SLC24A3: variants seen among roughly 807,000 people sequenced by gnomAD.
SLC24A3 encodes solute carrier family 24 member 3, also known as sodium/potassium/calcium exchanger 3.
SLC24A3 carries 28 observed loss-of-function variants against 75.8 expected under a neutral mutation model. The ratio of observed to expected loss-of-function variants is 0.37; its 90% CI spans 0.27 to 0.51. The LOEUF (loss-of-function observed/expected upper bound fraction) is 0.51. SLC24A3 is among the 20% of genes least tolerant of loss of function. The pLI is 0.94. For synonymous variants in SLC24A3, 372 were observed against 334.1 expected (o/e 1.11, Z -1.24); for missense variants, 663 against 847.8 (o/e 0.78, Z 2.71).
chr20:19,464,412 C>CAT (rs1357820467), intron 2 of SLC24A3, among the ~76,000 whole-genome samples: 47 of 152,040 alleles, frequency 3.1e-4, no homozygotes, highest in African/African-American at 1.1e-3. Flanking sequence ...CATGCACACA[C>CAT]ACAAAGCCAG....
At chr20:19,458,260 T>C (rs1388743476) in intron 2 of SLC24A3, among the ~76,000 whole-genome samples, 1 of 152,196 alleles carries the variant, frequency 6.6e-6, no homozygotes, top group Non-Finnish European at 1.5e-5. Flanking sequence ...ACTTGAATAA[T>C]GTCAGAGGCA....
At chr20:19,672,315 C>A (rs1377394493) in intron 8 of SLC24A3, among the ~76,000 whole-genome samples, 1 of 152,104 alleles carries the variant, frequency 6.6e-6, no homozygotes, top group Non-Finnish European at 1.5e-5. Flanking sequence ...AGAATAAATA[C>A]CTACATCTTT....
intron 2 of SLC24A3, among the ~76,000 whole-genome samples, chr20:19,346,222 G>A (rs192706572): frequency 0.021 from 598 of 27,914 alleles, 149 homozygotes; most frequent in African/African-American, 0.19. Context: ...TGGTGTATAT[G>A]TATATATGGT....
chr20:19,602,242 A>C (rs902010201), intron 6 of SLC24A3, among the ~76,000 whole-genome samples: 1 of 152,144 alleles, frequency 6.6e-6, no homozygotes, highest in African/African-American at 2.4e-5. Context: ...TGGGCACCGC[A>C]CTTTGTTGTT....
intron 2 of SLC24A3, among the ~76,000 whole-genome samples, chr20:19,494,953 G>T (rs1016369469): frequency 1.3e-5 from 2 of 152,222 alleles, no homozygotes; most frequent in African/African-American, 4.8e-5. Context: ...AGGAGTGAGA[G>T]AAACAGGATC....
chr20:19,510,979 G>A (rs1335160109), intron 2 of SLC24A3, among the ~76,000 whole-genome samples: 5 of 152,234 alleles, frequency 3.3e-5, no homozygotes, highest in Non-Finnish European at 5.9e-5. Context: ...GCAGGGCTGA[G>A]CAGAAGTGTT....
At chr20:19,597,449 C>A (rs2031465852) in intron 6 of SLC24A3, among the ~76,000 whole-genome samples, 1 of 152,062 alleles carries the variant, frequency 6.6e-6, no homozygotes, top group African/African-American at 2.4e-5. Flanking sequence ...GTATGGGATA[C>A]ATATTTTTGC....
At chr20:19,497,121 A>G (rs556988864) in intron 2 of SLC24A3, among the ~76,000 whole-genome samples, 148 of 152,316 alleles carry the variant, frequency 9.7e-4, no homozygotes, top group African/African-American at 3.2e-3. Flanking sequence ...GGGCATAGAA[A>G]GAGTCCCTAC....
intron 2 of SLC24A3, among the ~76,000 whole-genome samples, chr20:19,380,061 G>C (rs2295070): frequency 0.12 from 17,941 of 152,154 alleles, 1,584 homozygotes; most frequent in East Asian, 0.33. Flanking sequence ...TTACAATAAT[G>C]GAGGCAGGTA....
chr20:19,216,701 G>A (rs1321532116), intron 1 of SLC24A3, among the ~76,000 whole-genome samples: 1 of 152,158 alleles, frequency 6.6e-6, no homozygotes, highest in Non-Finnish European at 1.5e-5. Flanking sequence ...GTGCATGAAT[G>A]TATGTATGTA....
chr20:19,309,436 C>A (rs1984405049), intron 2 of SLC24A3, among the ~76,000 whole-genome samples: 1 of 152,188 alleles, frequency 6.6e-6, no homozygotes, highest in Non-Finnish European at 1.5e-5. Context: ...GTCCAGGGAC[C>A]AGCCTGGAAG....
intron 15 of SLC24A3, among the ~76,000 whole-genome samples, chr20:19,700,168 A>G (rs1409235311): frequency 6.6e-6 from 1 of 152,160 alleles, no homozygotes; most frequent in Non-Finnish European, 1.5e-5. Context: ...GTTGCTAGCT[A>G]CTGTATTACC....
intron 15 of SLC24A3, among the ~76,000 whole-genome samples, chr20:19,713,381 A>G (rs2033010068): frequency 6.6e-6 from 1 of 152,238 alleles, no homozygotes; most frequent in South Asian, 2.1e-4. Flanking sequence ...GAGAGAGTAC[A>G]TTGGGCAGAG....
At chr20:19,598,113 G>C (rs1046868395) in intron 6 of SLC24A3, among the ~76,000 whole-genome samples, 22 of 152,134 alleles carry the variant, frequency 1.4e-4, no homozygotes. Context: ...AGTTTGAGGG[G>C]TGTTTTTGGG....
chr20:19,390,118 T>A (rs749066545), intron 2 of SLC24A3, among the ~76,000 whole-genome samples: 31 of 152,346 alleles, frequency 2.0e-4, no homozygotes, highest in Non-Finnish European at 3.4e-4. Flanking sequence ...GTTTTTTGTT[T>A]CCTGATTTTT....
chr20:19,574,186 A>C (rs1156659026), intron 3 of SLC24A3, among the ~76,000 whole-genome samples: 1 of 152,236 alleles, frequency 6.6e-6, no homozygotes, highest in Non-Finnish European at 1.5e-5. Flanking sequence ...TGAATAGTGC[A>C]TGCTTTAAAC....
chr20:19,507,318 G>C (rs1000005342), intron 2 of SLC24A3, among the ~76,000 whole-genome samples: 4 of 152,216 alleles, frequency 2.6e-5, no homozygotes, highest in African/African-American at 9.7e-5. Flanking sequence ...CAAACAACGT[G>C]CAAAAGGCTG....
At chr20:19,495,523 C>G (rs1988272296) in intron 2 of SLC24A3, among the ~76,000 whole-genome samples, 1 of 152,220 alleles carries the variant, frequency 6.6e-6, no homozygotes, top group Admixed American at 6.5e-5. Context: ...AGCTATTCAT[C>G]CAGGCTTGTT....
At chr20:19,562,964 T>G (rs765310334) in intron 3 of SLC24A3, among the ~76,000 whole-genome samples, 1 of 152,184 alleles carries the variant, frequency 6.6e-6, no homozygotes, top group Non-Finnish European at 1.5e-5. Context: ...TTTCAGCAGC[T>G]GGGTGCACAA....
Sources: allele counts gnomAD v4.1 joint callset (sites outside exome capture counted in the v4.1 genomes callset), GRCh38; gene constraint gnomAD v4.1.1; transcripts MANE v1.5; gene names NCBI Gene and HGNC (gene_info 2026-07-23, HGNC 2026-07-21).